Variants in ANO2 observed in about 807,000 individuals in gnomAD.
ANO2 encodes the protein anoctamin 2.
Under a neutral mutation model 124.2 loss-of-function variants are expected in ANO2, and 101 were observed. The observed-to-expected ratio is 0.81, with a 90% CI of 0.69 to 0.96. ANO2 has a LOEUF of 0.96. Among genes scored for constraint, ANO2 ranks in the 40% least tolerant of loss-of-function variants. The probability of loss-of-function intolerance (pLI) is 0.00; values close to 1 mark genes in which losing one functional copy is unlikely to be tolerated. For synonymous variants in ANO2, 486 were observed against 482.5 expected (o/e 1.01, Z -0.09); for missense variants, 1,293 against 1,274.5 (o/e 1.01, Z -0.22).
chr12:5,922,770 C>T lies in ANO2; in HGVS notation c.57G>A (p.Leu19=), dbSNP rs372735240. The change falls in exon 2 of 25, where the codon CTG becomes CTA. Residue 19 remains leucine, a synonymous_variant. Coordinates refer to ENST00000682330, the MANE Select transcript of ANO2 (RefSeq NM_001364791.2). ...CCCCTCTGGACCCTGCCTGAGGGCT[C>T]AGCCGGCGTGGGGAGCCAGGGAGCA... ...IPLLPGSPRR[L]SPQAGSRGGQ... 1.9e-6 allele frequency: 3 copies of T among 1,549,534 alleles called. No homozygotes were observed. The highest frequency in any genetic ancestry group is 2.8e-5 in the African/African-American group (2 of 72,298).
chr12:5,839,547 T>C (rs1350696129), intron 4 of ANO2: 1 of 455,788 alleles, frequency 2.2e-6, no homozygotes, highest in East Asian at 6.9e-5. Context: ...TCCATGGCTC[T>C]GAACATTTAA....
chr12:5,747,980 A>G (rs1435358663), intron 11 of ANO2, among the ~76,000 whole-genome samples: 1 of 152,094 alleles, frequency 6.6e-6, no homozygotes, highest in Non-Finnish European at 1.5e-5. Context: ...GTGTGCAGAC[A>G]TCTATGTGCA....
intron 14 of ANO2, among the ~76,000 whole-genome samples, chr12:5,651,559 T>A (rs1367060217): frequency 6.6e-6 from 1 of 152,222 alleles, no homozygotes; most frequent in Non-Finnish European, 1.5e-5. Flanking sequence ...TAGCTGAAAT[T>A]ACAGGCATAG....
At chr12:5,694,284 A>AGAGAGAGAG (rs55758114) in intron 14 of ANO2, among the ~76,000 whole-genome samples, 3 of 150,946 alleles carry the variant, frequency 2.0e-5, no homozygotes, top group South Asian at 4.2e-4. Flanking sequence ...AGAGAGAGAG[A>AGAGAGAGAG]ATAAAACAGA....
intron 22 of ANO2, among the ~76,000 whole-genome samples, 180 bp from the exon 23 acceptor site, chr12:5,576,195 TATA>T (rs1217293466): frequency 6.6e-6 from 1 of 152,196 alleles, no homozygotes; most frequent in Non-Finnish European, 1.5e-5. Context: ...TGTGTATAAG[TATA>T]ATAAGTCCAC....
rs766094555 is a variant in ANO2 at position 5,830,490 on chromosome 12, C to T, written c.786-1G>A. 8 of 1,610,990 alleles carry T rather than the reference C, an allele frequency of 5.0e-6. No homozygotes were observed. In the African/African-American group the frequency reaches 5.3e-5, roughly 11 times the overall value. The stretch of plus-strand genomic sequence containing the variant: ...GGTGTCCTTTTCCTGGATGTTGTAC[C>T]TGGAGACACCAAGAGAGCAGATGGC... On this transcript the variant is annotated splice_acceptor_variant, in intron 5 of 24. Transcript: ENST00000682330. LOFTEE classifies it high-confidence loss of function.
chr12:5,758,193 G>A (rs964843819), intron 10 of ANO2, among the ~76,000 whole-genome samples: 4 of 152,190 alleles, frequency 2.6e-5, no homozygotes, highest in African/African-American at 2.4e-5. Flanking sequence ...GGAAAGGGTG[G>A]AAACTCTCCT....
intron 14 of ANO2, among the ~76,000 whole-genome samples, chr12:5,652,252 T>C (rs1362302975): frequency 6.6e-6 from 1 of 152,196 alleles, no homozygotes; most frequent in Non-Finnish European, 1.5e-5. Flanking sequence ...ATTTTCTTTC[T>C]TTTATTAAAT....
Position 5,635,270 on chromosome 12 carries a change from CTTA to C in ANO2, c.1695_1697del (p.Asn565del). On this transcript the variant is annotated inframe_deletion, in exon 16 of 25. Coordinates refer to ENST00000682330, the MANE Select transcript of ANO2 (RefSeq NM_001364791.2). The surrounding 1 kb of genome is among the most constrained non-coding windows in gnomAD (Gnocchi z 5.2). ...TCACCCGGACATTGGAGCGTGTAGC[CTTA>C]TTGAGAGACAGAGCGGCTGCAGTTG... 6 of 1,611,084 alleles carry C rather than the reference CTTA, an allele frequency of 3.7e-6. No homozygotes were observed. Among genetic ancestry groups the C allele is most frequent in the Non-Finnish European group, 5.1e-6 (6 of 1,179,158 alleles).
intron 22 of ANO2, among the ~76,000 whole-genome samples, chr12:5,576,935 T>A (rs1942446697): frequency 6.6e-6 from 1 of 152,222 alleles, no homozygotes; most frequent in Admixed American, 6.5e-5. Flanking sequence ...CCATTTAATT[T>A]CCCAAATGAT....
chr12:5,819,277 C>T (rs746975713), intron 7 of ANO2, among the ~76,000 whole-genome samples: 2 of 152,034 alleles, frequency 1.3e-5, no homozygotes, highest in Non-Finnish European at 2.9e-5. Flanking sequence ...GACAGTATGA[C>T]CCACGAGAAG....
At chr12:5,926,871 A>C (rs1268481165) in intron 1 of ANO2, among the ~76,000 whole-genome samples, 2 of 152,070 alleles carry the variant, frequency 1.3e-5, no homozygotes, top group Non-Finnish European at 2.9e-5. Flanking sequence ...CCTTTCTCTG[A>C]GCTTAGTTTT....
chr12:5,934,709 T>A (rs1194527840), intron 1 of ANO2, among the ~76,000 whole-genome samples: 1 of 152,214 alleles, frequency 6.6e-6, no homozygotes, highest in Non-Finnish European at 1.5e-5. Flanking sequence ...TCATTAATTA[T>A]AACCTGTTTT....
intron 14 of ANO2, among the ~76,000 whole-genome samples, chr12:5,701,033 A>C (rs572486768): frequency 2.0e-3 from 131 of 63,968 alleles, no homozygotes; most frequent in Middle Eastern, 0.011. Context: ...ACACTGATGT[A>C]GCATTAAACC....
At position 5,900,392 on chromosome 12, in the gene ANO2, G is replaced by A. The variant is rs1940105670; in HGVS notation, c.534+20648C>T. Among the ~76,000 whole-genome samples, 1 of 152,176 alleles carries A rather than the reference G, an allele frequency of 6.6e-6. No individual in the cohort carries two copies. The highest frequency in any genetic ancestry group is 2.1e-4 in the South Asian group (1 of 4,824). ...TTTCACTTTCCATGCCCAGTGTTTA[G>A]CACCCATCTAGAGGGCAGAGGACAA... On this transcript the variant is annotated intron_variant, in intron 3 of 24. Coordinates refer to ENST00000682330, the MANE Select transcript of ANO2 (RefSeq NM_001364791.2). This position sits in a 1 kb window ranked among gnomAD's most constrained non-coding sequence, Gnocchi z 4.2.
At chr12:5,812,284 CAG>C (rs1423521334) in intron 7 of ANO2, among the ~76,000 whole-genome samples, 4 of 92,868 alleles carry the variant, frequency 4.3e-5, no homozygotes, top group African/African-American at 1.7e-4. Flanking sequence ...GAGGGAAACA[CAG>C]GGCAGGGGAA....
At chr12:5,737,250 C>T (rs907063191) in intron 13 of ANO2, among the ~76,000 whole-genome samples, 7 of 152,344 alleles carry the variant, frequency 4.6e-5, no homozygotes, top group African/African-American at 1.4e-4. Context: ...AGATCCCATC[C>T]GGAAAGTCTC....
intron 10 of ANO2, among the ~76,000 whole-genome samples, chr12:5,794,032 T>C (rs898332001): frequency 6.6e-6 from 1 of 152,210 alleles, no homozygotes; most frequent in Non-Finnish European, 1.5e-5. Context: ...TGTAATGGCA[T>C]GGAACATAAT....
rs941888959 is a variant in ANO2 at position 5,769,369 on chromosome 12, C to T, written c.1056-18399G>A. Among the ~76,000 whole-genome samples, 6 of 151,920 alleles carry T rather than the reference C, an allele frequency of 3.9e-5. No homozygotes were observed. Among genetic ancestry groups the T allele is most frequent in the African/African-American group, 1.5e-4 (6 of 41,334 alleles). On this transcript the variant is annotated intron_variant, in intron 10 of 24. Transcript: ENST00000682330. This position sits in a 1 kb window ranked among gnomAD's most constrained non-coding sequence, Gnocchi z 4.0. ...GACGCATTCAGAGGAGCAAACAGGC[C>T]CAAAGACCAAGAAAGAGAGCCAGGG...
Sources: allele counts gnomAD v4.1 joint callset (sites outside exome capture counted in the v4.1 genomes callset), GRCh38; gene constraint gnomAD v4.1.1; non-coding constraint Gnocchi (gnomAD v3.1); transcripts MANE v1.5; gene names NCBI Gene and HGNC (gene_info 2026-07-23, HGNC 2026-07-21).